AK8: variants seen among roughly 807,000 people sequenced by gnomAD.
AK8 encodes the protein ATP-AMP transphosphorylase 8.
A neutral mutation model predicts 54.6 loss-of-function variants in AK8; 44 were observed. The ratio of observed to expected loss-of-function variants is 0.81; its 90% CI spans 0.63 to 1.04. The LOEUF is 1.04. Ranked by LOEUF, AK8 falls within the 50% of genes least tolerant of loss-of-function variation. AK8 has a pLI of 0.00. For synonymous variants in AK8, 239 were observed against 245.6 expected (o/e 0.97, Z 0.25); for missense variants, 555 against 613.6 (o/e 0.90, Z 1.01).
intron 10 of AK8, among the ~76,000 whole-genome samples, chr9:132,812,490 C>T (rs1480400578): frequency 4.2e-4 from 2 of 4,776 alleles, no homozygotes; most frequent in African/African-American, 7.2e-4. Context: ...CCACCCGCCT[C>T]GGCCTTCCAA....
chr9:132,844,297 CAAAAAAAA>C (rs35309762), intron 5 of AK8, among the ~76,000 whole-genome samples: 6 of 92,632 alleles, frequency 6.5e-5, no homozygotes, highest in East Asian at 3.3e-4. Flanking sequence ...TGCATTAGAC[CAAAAAAAA>C]AAAAAAAAAA....
At chr9:132,855,032 C>G in intron 4 of AK8, 107 bp from the exon 5 acceptor site, 1 of 1,132,464 alleles carries the variant, frequency 8.8e-7, no homozygotes, top group Non-Finnish European at 1.3e-6. Context: ...TGGAAAGCAC[C>G]GACCACCATC....
At chr9:132,798,720 A>C in intron 10 of AK8, among the ~76,000 whole-genome samples, 1 of 151,136 alleles carries the variant, frequency 6.6e-6, no homozygotes, top group East Asian at 1.9e-4. Flanking sequence ...AAGATCTTCC[A>C]TAAAAGATGG....
At chr9:132,821,762 CAT>C (rs1236321820) in intron 9 of AK8, among the ~76,000 whole-genome samples, 2 of 92,078 alleles carry the variant, frequency 2.2e-5, no homozygotes, top group African/African-American at 4.2e-5. Flanking sequence ...CAAATATATA[CAT>C]ATATGTATAT....
intron 5 of AK8, among the ~76,000 whole-genome samples, chr9:132,833,676 G>A (rs1842198718): frequency 6.6e-6 from 1 of 152,188 alleles, no homozygotes; most frequent in South Asian, 2.1e-4. Flanking sequence ...GCTGCGAGGG[G>A]TATGGTATCA....
rs550521841 is a variant in AK8 at position 132,775,029 on chromosome 9, A to C, written c.1121+17605T>G. Among the ~76,000 whole-genome samples, 13 of 152,288 alleles carry C rather than the reference A, an allele frequency of 8.5e-5. 1 individual carries two copies. The South Asian group carries it at 2.3e-3, about 27-fold the overall frequency. On this transcript the variant is annotated intron_variant, in intron 11 of 12. Coordinates refer to ENST00000298545, the MANE Select transcript of AK8 (RefSeq NM_152572.3). ...AGGAGGGGAAATTTCCTGCCTGTGA[A>C]GGTTCTCAGACACTACAGCAGGAAA...
Position 132,799,487 on chromosome 9 carries a change from C to CA in AK8, c.980-6713dup, listed in dbSNP as rs1356382436. On this transcript the variant is annotated intron_variant, in intron 10 of 12. Transcript: ENST00000298545. This position sits in a 1 kb window ranked among gnomAD's most constrained non-coding sequence, Gnocchi z 5.0. ...CACACGTCACCCCTCCATGCACACT[C>CA]ATAAACGCCCCCACACACTACATAC... Among the ~76,000 whole-genome samples the CA allele has an allele frequency of 6.6e-6, 1 of 152,000 alleles. No homozygotes were observed. Among genetic ancestry groups the CA allele is most frequent in the African/African-American group, 2.4e-5 (1 of 41,336 alleles).
intron 10 of AK8, among the ~76,000 whole-genome samples, chr9:132,794,698 C>G (rs1840083172): frequency 6.6e-6 from 1 of 152,244 alleles, no homozygotes; most frequent in African/African-American, 2.4e-5. Context: ...AAATAGAAGG[C>G]TTCTCTTTTT....
chr9:132,751,807 A>G (rs529235346), intron 11 of AK8, among the ~76,000 whole-genome samples: 6 of 152,030 alleles, frequency 3.9e-5, no homozygotes, highest in South Asian at 2.1e-4. Flanking sequence ...AATGTGTGCA[A>G]TTAAGACCCT....
In AK8 at chr9:132,848,135, AAAAAAAAAG is replaced by A. The variant is rs1379934643; in HGVS notation, c.402+6713_402+6721del. Among the ~76,000 whole-genome samples the A allele has an allele frequency of 2.6e-4, 24 of 91,730 alleles. 1 individual carries two copies. The highest frequency in any genetic ancestry group is 1.0e-3 in the South Asian group (3 of 2,886). The allele number at this position is 91,730 out of a possible 152,430, so 60.2% of individuals were successfully genotyped here. On this transcript the variant is annotated intron_variant, in intron 5 of 12. Transcript: ENST00000298545. ...TGTTTCAAAAAAAAAAAAAAAAAAA[AAAAAAAAAG>A]ATTGAAGAGAAGAAAGGAAGACTCC...
Position 132,812,530 on chromosome 9 carries a change from T to TGGGATGACGGGTGAGCCGCCGC in AK8, c.979+2107_979+2108insGCGGCGGCTCACCCGTCATCCC, listed in dbSNP as rs1841081288. On this transcript the variant is annotated intron_variant, in intron 10 of 12. Transcript: ENST00000298545. ...CTGGGATGACAGGGGTGAGCTACCG[T>TGGGATGACGGGTGAGCCGCCGC]GCCCACTGGGATGACGGGTGAGCCG... Among the ~76,000 whole-genome samples, 238 of 130,736 alleles carry TGGGATGACGGGTGAGCCGCCGC rather than the reference T, an allele frequency of 1.8e-3. 7 individuals are homozygous for TGGGATGACGGGTGAGCCGCCGC. The highest frequency in any genetic ancestry group is 3.7e-3 in the East Asian group (17 of 4,642). 85.8% of individuals were successfully genotyped at this position (130,736 alleles called of 152,430 possible).
At chr9:132,733,221 TAA>T (rs894875004) in intron 11 of AK8, among the ~76,000 whole-genome samples, 1 of 144,088 alleles carries the variant, frequency 6.9e-6, no homozygotes. Context: ...TAACAGCCAC[TAA>T]AAAAAAAAAA....
intron 9 of AK8, among the ~76,000 whole-genome samples, chr9:132,815,382 C>T (rs1448365383): frequency 2.6e-5 from 4 of 152,054 alleles, no homozygotes; most frequent in East Asian, 1.9e-4. Context: ...GGTGAAAATC[C>T]GTTTCTACTA....
intron 10 of AK8, among the ~76,000 whole-genome samples, chr9:132,793,089 C>T (rs1840016920): frequency 1.3e-5 from 2 of 152,138 alleles, no homozygotes; most frequent in Admixed American, 1.3e-4. Flanking sequence ...TCCATTTGGG[C>T]TGCTATAGCA....
At chr9:132,856,531 C>G (rs1411645068) in intron 4 of AK8, among the ~76,000 whole-genome samples, 1 of 152,182 alleles carries the variant, frequency 6.6e-6, no homozygotes, top group Non-Finnish European at 1.5e-5. Flanking sequence ...CCTGTATGGT[C>G]TGGGTGCGCT....
chr9:132,793,378 T>C (rs1394004153), intron 10 of AK8, among the ~76,000 whole-genome samples: 4 of 152,194 alleles, frequency 2.6e-5, no homozygotes, highest in Admixed American at 2.6e-4. Flanking sequence ...ATTCAGACCA[T>C]AGCAACCACT....
At chr9:132,771,306 A>C (rs1838969499) in intron 11 of AK8, among the ~76,000 whole-genome samples, 1 of 152,192 alleles carries the variant, frequency 6.6e-6, no homozygotes, top group South Asian at 2.1e-4. Flanking sequence ...TATGGAGGAA[A>C]GTGCTATGGC....
At chr9:132,808,854 G>C (rs1043426122) in intron 10 of AK8, among the ~76,000 whole-genome samples, 1 of 152,100 alleles carries the variant, frequency 6.6e-6, no homozygotes, top group African/African-American at 2.4e-5. Flanking sequence ...CAGGCAGGGC[G>C]GAGTCCCCAG....
chr9:132,807,018 C>G (rs967193708), intron 10 of AK8, among the ~76,000 whole-genome samples: 1 of 152,176 alleles, frequency 6.6e-6, no homozygotes, highest in Non-Finnish European at 1.5e-5. Context: ...CGATAATGAT[C>G]TGTCTTCCAC....
Sources: allele counts gnomAD v4.1 joint callset (sites outside exome capture counted in the v4.1 genomes callset), GRCh38; gene constraint gnomAD v4.1.1; non-coding constraint Gnocchi (gnomAD v3.1); transcripts MANE v1.5; gene names NCBI Gene and HGNC (gene_info 2026-07-23, HGNC 2026-07-21).